Variants in HPS4 observed in about 807,000 individuals in gnomAD.
HPS4 encodes BLOC-3 complex member HPS4.
HPS4 carries 44 observed loss-of-function variants against 70.3 expected under a neutral mutation model. That is an observed-to-expected ratio of 0.63 (90% CI 0.49 to 0.80). The LOEUF (loss-of-function observed/expected upper bound fraction) is 0.80. HPS4 is among the 30% of genes least tolerant of loss of function. The pLI is 0.00. For synonymous variants in HPS4, 377 were observed against 355.9 expected (o/e 1.06, Z -0.67); for missense variants, 873 against 884.4 (o/e 0.99, Z 0.16).
At chr22:26,461,103 C>A (rs764016985) in intron 11 of HPS4, among the ~76,000 whole-genome samples, 7 of 152,236 alleles carry the variant, frequency 4.6e-5, no homozygotes, top group Non-Finnish European at 8.8e-5. Flanking sequence ...GGTCCTCTGA[C>A]TTCTAGTGCA....
At chr22:26,466,735 T>C (rs2088699504) in intron 8 of HPS4, 1 of 193,248 alleles carries the variant, frequency 5.2e-6, no homozygotes, top group Non-Finnish European at 1.1e-5. Flanking sequence ...ATACCCAATC[T>C]CTCGTTTGTT....
rs1568994741 is a variant in HPS4, at chr22:26,451,438, AAGC to A, written c.*1792_*1794del. The A allele has an allele frequency of 6.6e-6, 1 of 152,248 alleles. No homozygotes were observed. Among genetic ancestry groups the A allele is most frequent in the African/African-American group, 2.4e-5 (1 of 41,458 alleles). 9.4% of individuals were successfully genotyped at this position (152,248 alleles called of 1,614,324 possible). A position where few individuals can be genotyped will look rare whatever the true frequency, so the allele number is the denominator to read the frequency against. On this transcript the variant is annotated 3_prime_UTR_variant, in exon 14 of 14. Transcript: ENST00000398145. ...GAGCAGAACCTCCACTGCAGAAACT[AAGC>A]AGGATCAAAGGAGGAAAGAAAGGGG...
At position 26,464,485 on chromosome 22, in the gene HPS4, AT is replaced by A; in HGVS notation, c.1144del (p.Met382TrpfsTer53). The A allele has an allele frequency of 6.2e-7, 1 of 1,614,208 alleles. No homozygotes were observed. Among genetic ancestry groups the A allele is most frequent in the Non-Finnish European group, 8.5e-7 (1 of 1,180,034 alleles). ...TAGGAAGGCAAAATGACCTGAGGCC[AT>A]TTCCACTTCCTGAGCCTCTGGAATG... Reference protein sequence around the residue: ...IHIPEAQEVEMASGHFAFLHV... With the variant: ...IHIPEAQEVEXASGHFAFLHV... On this transcript the variant is annotated frameshift_variant, in exon 11 of 14. Coordinates refer to ENST00000398145, the MANE Select transcript of HPS4 (RefSeq NM_022081.6). LOFTEE classifies it high-confidence loss of function.
chr22:26,444,837 T>C (rs1179092456), intron 3 of HPS4: 2 of 152,264 alleles, frequency 1.3e-5, no homozygotes, highest in Admixed American at 6.5e-5. Flanking sequence ...CAAACATACC[T>C]GAAGTCTTTT....
chr22:26,456,736 G>A (rs1345439082), intron 13 of HPS4, among the ~76,000 whole-genome samples: 2 of 152,092 alleles, frequency 1.3e-5, no homozygotes, highest in African/African-American at 4.8e-5. Context: ...TGCCAGCACT[G>A]CCCTTGACCT....
intron 7 of HPS4, 96 bp downstream of exon 7, chr22:26,470,623 C>G: frequency 8.0e-7 from 1 of 1,253,722 alleles, no homozygotes; most frequent in Non-Finnish European, 1.2e-6. Context: ...TGGAACTGGC[C>G]AGAGACTGGG....
At position 26,481,771 on chromosome 22, in the gene HPS4, C is replaced by A. The variant is rs1166508678; in HGVS notation, c.-9G>T. On this transcript the variant is annotated 5_prime_UTR_variant, in exon 2 of 14. Coordinates refer to ENST00000398145, the MANE Select transcript of HPS4 (RefSeq NM_022081.6). Reference sequence around the variant, plus strand: ...GAGGTAGAGGTGGCCATCTACTGTGCAGTCATCCTCATTCTCTTCATTTAG... The same window carrying A: ...GAGGTAGAGGTGGCCATCTACTGTGAAGTCATCCTCATTCTCTTCATTTAG... The A allele has an allele frequency of 6.2e-7, 1 of 1,613,698 alleles. No homozygotes were observed. Among genetic ancestry groups the A allele is most frequent in the South Asian group, 1.1e-5 (1 of 91,074 alleles).
At position 26,464,121 on chromosome 22, in the gene HPS4, G is replaced by T. The variant is rs761956374; in HGVS notation, c.1509C>A (p.Ala503=). ...AGCCTGAACTGCATTCCAGACCAGGGGCTGCGTGGCTTTCACAGACCCCAT... is the reference window on the plus strand; with the variant it reads ...AGCCTGAACTGCATTCCAGACCAGGTGCTGCGTGGCTTTCACAGACCCCAT... ...DVDGVCESHA[A]PGLECSSGSA... The change falls in exon 11 of 14, where the codon GCC becomes GCA. Residue 503 remains alanine (A), a synonymous_variant. Coordinates refer to ENST00000398145, the MANE Select transcript of HPS4 (RefSeq NM_022081.6). The T allele has an allele frequency of 5.0e-6, 8 of 1,614,146 alleles. No individual in the cohort carries two copies. The highest frequency in any genetic ancestry group is 1.6e-4 in the Middle Eastern group (1 of 6,082).
In HPS4 at chr22:26,464,646, C is replaced by A. The variant is rs548311034; in HGVS notation, c.984G>T (p.Leu328Phe). 1.2e-6 allele frequency: 2 copies of A among 1,613,328 alleles called. No homozygotes were observed. The highest frequency in any genetic ancestry group is 1.7e-6 in the Non-Finnish European group (2 of 1,179,358). Residue 328 changes from leucine (L) to phenylalanine (F), a missense_variant, in exon 11 of 14, where the codon TTG becomes TTT. Transcript: ENST00000398145. ...TGATGCTCTCCAGATCATGGCCAGA[C>A]AAGCATCCGTTCTCCTTCCTGCCAT... ...CPDGRKENGC[L>F]SGHDLESIRP...
rs2088162838 is a variant in HPS4 at position 26,464,802 on chromosome 22, G to A, written c.828C>T (p.Leu276=). ...GATGGTGCTGGGCTGAACCATCCTGGAGTCCTGCTGGAGATGCTAGAGACC... is the reference window on the plus strand; with the variant it reads ...GATGGTGCTGGGCTGAACCATCCTGAAGTCCTGCTGGAGATGCTAGAGACC... ...MTRSLASPAG[L]QDGSAQHHPK... is the part of the protein sequence containing the mutation. The change falls in exon 11 of 14, where the codon CTC becomes CTT. Residue 276 remains leucine, a synonymous_variant. Transcript: ENST00000398145. 4 of 1,593,074 alleles carry A rather than the reference G, an allele frequency of 2.5e-6. No homozygotes were observed. Among genetic ancestry groups the A allele is most frequent in the Non-Finnish European group, 3.4e-6 (4 of 1,171,882 alleles).
At chr22:26,467,411 A>T (rs529592904) in intron 8 of HPS4, 2 of 152,342 alleles carry the variant, frequency 1.3e-5, no homozygotes, top group South Asian at 4.1e-4. Context: ...TACTTTAAGC[A>T]TTCAAGTTTT....
chr22:26,445,779 G>A lies in HPS4; in HGVS notation n.519-1085C>T, dbSNP rs935914265. Among the ~76,000 whole-genome samples the A allele has an allele frequency of 6.6e-5, 10 of 152,296 alleles. No homozygotes were observed. The South Asian group carries it at 1.2e-3, about 19-fold the overall frequency. On this transcript the variant is annotated intron_variant and non_coding_transcript_variant, in intron 3 of 3. Coordinates refer to the HPS4 transcript ENST00000493455. ...AATGGAAGAGATGGGAAAACACATC[G>A]GGACAGCAGTGGGTGTGGCCAGAGA...
At chr22:26,448,012 C>T (rs2085012620), downstream of HPS4, among the ~76,000 whole-genome samples, 1 of 152,246 alleles carries the variant, frequency 6.6e-6, no homozygotes, top group African/African-American at 2.4e-5. Context: ...GAAACAGGCT[C>T]AGAGCGGGCA....
rs570509591 is a variant in HPS4, at chr22:26,452,753, G to A, written c.*480C>T. The A allele has an allele frequency of 8.2e-5, 20 of 243,646 alleles. No homozygotes were observed. The highest frequency in any genetic ancestry group is 2.5e-4 in the African/African-American group (11 of 43,838). 15.1% of individuals were successfully genotyped at this position (243,646 alleles called of 1,614,324 possible). On this transcript the variant is annotated 3_prime_UTR_variant, in exon 14 of 14. Transcript: ENST00000398145. The stretch of plus-strand genomic sequence containing the variant: ...GAGCGCACTGGAGAAACCTACCTGC[G>A]GCGTGGGAGTGGAGTCGGCCTGCTC...
intron 3 of HPS4, among the ~76,000 whole-genome samples, chr22:26,478,637 T>C (rs1439353522): frequency 2.6e-5 from 4 of 151,588 alleles, no homozygotes; most frequent in Non-Finnish European, 5.9e-5. Flanking sequence ...CATATGAGGG[T>C]TCATGATACT....
rs755689459 is a variant in HPS4 at position 26,470,804 on chromosome 22, G to A, written c.511C>T (p.Leu171=). The change falls in exon 7 of 14, where the codon CTG becomes TTG. Residue 171 remains leucine (L), a synonymous_variant. Coordinates refer to ENST00000398145, the MANE Select transcript of HPS4 (RefSeq NM_022081.6). ...WNLDQTKVEP[L]LLLKAARILQ... ...ATGCGGGCTGCCTTCAGCAACAACA[G>A]GGGCTCCACCTGTGCAGGGCAAGAG... The A allele has an allele frequency of 6.2e-6, 10 of 1,614,196 alleles. No homozygotes were observed. The East Asian group carries it at 2.0e-4, about 32-fold the overall frequency.
At chr22:26,456,634 G>A (rs1488662147) in intron 13 of HPS4, among the ~76,000 whole-genome samples, 1 of 152,182 alleles carries the variant, frequency 6.6e-6, no homozygotes, top group East Asian at 1.9e-4. Context: ...ACTCCAGCCT[G>A]GCGAGAGTGA....
At chr22:26,455,241 C>T (rs1342578844) in intron 13 of HPS4, among the ~76,000 whole-genome samples, 1 of 151,994 alleles carries the variant, frequency 6.6e-6, no homozygotes, top group East Asian at 1.9e-4. Flanking sequence ...GGTATATACC[C>T]AAAGGATTAT....
intron 8 of HPS4, chr22:26,467,587 G>A (rs984204434): frequency 2.0e-5 from 3 of 152,204 alleles, no homozygotes; most frequent in Admixed American, 6.5e-5. Flanking sequence ...TCCCAGAAAG[G>A]CTACTTGAAT....
Sources: allele counts gnomAD v4.1 joint callset (sites outside exome capture counted in the v4.1 genomes callset), GRCh38; gene constraint gnomAD v4.1.1; transcripts MANE v1.5; gene names NCBI Gene and HGNC (gene_info 2026-07-23, HGNC 2026-07-21).